Variants in NBPF26 observed in about 807,000 individuals in gnomAD.
The protein encoded by NBPF26 is NBPF member 26.
NBPF26 carries 79 observed loss-of-function variants against 119.6 expected under a neutral mutation model. The ratio of observed to expected loss-of-function variants is 0.66; its 90% confidence interval spans 0.55 to 0.80. The LOEUF (loss-of-function observed/expected upper bound fraction) is 0.80. Ranked by LOEUF, NBPF26 falls within the 30% of genes least tolerant of loss-of-function variation. NBPF26 has a pLI of 0.00. For missense variants in NBPF26, 800 were observed against 1,198.2 expected (o/e 0.67, Z 4.91); for synonymous variants, 299 against 457.7 (o/e 0.65, Z 4.43).
Position 120,823,014 on chromosome 1 carries a change from T to A in NBPF26, c.2588-295T>A, listed in dbSNP as rs1350029279. Among the ~76,000 whole-genome samples, 16 of 124,666 alleles carry A rather than the reference T, an allele frequency of 1.3e-4. 3 individuals carry two copies. Among genetic ancestry groups the A allele is most frequent in the South Asian group, 2.4e-4 (1 of 4,174 alleles). 81.8% of individuals were successfully genotyped at this position (124,666 alleles called of 152,430 possible). A position where few individuals can be genotyped will look rare whatever the true frequency, so the allele number is the denominator to read the frequency against. ...TATCTCTCCTATGAGGTGTTAGAAC[T>A]ATTTGCCTACAATTTATTGGGGAAA... On this transcript the variant is annotated intron_variant, in intron 16 of 29. Coordinates refer to ENST00000620612, the Ensembl canonical transcript of NBPF26.
intron 1 of NBPF26, among the ~76,000 whole-genome samples, chr1:120,729,808 G>A (rs1172875512): frequency 8.7e-6 from 1 of 114,658 alleles, no homozygotes; most frequent in South Asian, 2.6e-4. Context: ...TCAAGAAATA[G>A]CCAGGTGATT....
At chr1:120,781,916 A>G (rs1434965662) in intron 2 of NBPF26, among the ~76,000 whole-genome samples, 1 of 111,142 alleles carries the variant, frequency 9.0e-6, no homozygotes, top group Non-Finnish European at 1.7e-5. Flanking sequence ...AATGGAGATT[A>G]TAATATAGCA....
At position 120,840,601 on chromosome 1, in the gene NBPF26, T is replaced by C. The variant is rs1553273590; in HGVS notation, c.*8T>C. On this transcript the variant is annotated 3_prime_UTR_variant, in exon 30 of 30. Coordinates refer to ENST00000620612, the Ensembl canonical transcript of NBPF26. ...GTCATATTCCCACAATAAGCAGCCCTTACTAAGCCGAGAGGTGTCATTCCT... is the reference window on the plus strand; with the variant it reads ...GTCATATTCCCACAATAAGCAGCCCCTACTAAGCCGAGAGGTGTCATTCCT... 1.9e-5 allele frequency: 28 copies of C among 1,462,164 alleles called. 9 individuals are homozygous for C. Among genetic ancestry groups the C allele is most frequent in the Middle Eastern group, 2.4e-4 (1 of 4,168 alleles). The allele number at this position is 1,462,164 out of a possible 1,614,324, so 90.6% of individuals were successfully genotyped here. A position where few individuals can be genotyped will look rare whatever the true frequency, so the allele number is the denominator to read the frequency against.
rs1651852352 is a variant in NBPF26 at position 120,811,110 on chromosome 1, TG to T, written c.1564+554del. ...AAAAAAAAAAAAAATTAGCTGGGTG[TG>T]GTGGTGGGTGCCTGTAGTCCCAGCT... is the stretch of plus-strand genomic sequence containing the variant. On this transcript the variant is annotated intron_variant, in intron 9 of 29. Coordinates refer to ENST00000620612, the Ensembl canonical transcript of NBPF26. 4.0e-5 allele frequency among the ~76,000 whole-genome samples: 4 copies of T among 100,902 alleles called. No homozygotes were observed. In the South Asian group the frequency reaches 1.1e-3, roughly 28 times the overall value. The allele number at this position is 100,902 out of a possible 152,430, so 66.2% of individuals were successfully genotyped here. A position where few individuals can be genotyped will look rare whatever the true frequency, so the allele number is the denominator to read the frequency against.
intron 2 of NBPF26, among the ~76,000 whole-genome samples, chr1:120,781,748 A>G (rs1196012768): frequency 8.8e-6 from 1 of 113,252 alleles, no homozygotes; most frequent in Non-Finnish European, 1.7e-5. Flanking sequence ...TATTTTTAGT[A>G]GAGACAGGAC....
intron 2 of NBPF26, among the ~76,000 whole-genome samples, chr1:120,781,621 T>C (rs1380789632): frequency 2.1e-5 from 1 of 48,774 alleles, no homozygotes; most frequent in Admixed American, 1.9e-4. Flanking sequence ...TGGAGTGCAG[T>C]GGCGCGATCT....
intron 2 of NBPF26, among the ~76,000 whole-genome samples, chr1:120,769,993 T>G (rs1651243711): frequency 9.1e-6 from 1 of 110,192 alleles, no homozygotes. Context: ...ATGTAGTTGT[T>G]CAAAAAATCA....
chr1:120,742,312 CGT>C (rs1209103933), intron 1 of NBPF26, among the ~76,000 whole-genome samples: 21 of 27,864 alleles, frequency 7.5e-4, no homozygotes, highest in Admixed American at 1.3e-3. Context: ...TGTGTGTGTG[CGT>C]GTGTGTGTGT....
rs1294766085 is a variant in NBPF26 at position 120,819,173 on chromosome 1, G to A, written c.2423+999G>A. On this transcript the variant is annotated intron_variant, in intron 15 of 29. Coordinates refer to ENST00000620612, the Ensembl canonical transcript of NBPF26. ...GAATCTGGGTGCTCCTGTTTAGGGTGCATATATATTTAGGATAGTTAACTC... is the reference window on the plus strand; with the variant it reads ...GAATCTGGGTGCTCCTGTTTAGGGTACATATATATTTAGGATAGTTAACTC... Among the ~76,000 whole-genome samples the A allele has an allele frequency of 1.6e-5, 2 of 124,648 alleles. 1 individual carries two copies. The highest frequency in any genetic ancestry group is 7.6e-5 in the African/African-American group (2 of 26,200). 81.8% of individuals were successfully genotyped at this position (124,648 alleles called of 152,430 possible). A position where few individuals can be genotyped will look rare whatever the true frequency, so the allele number is the denominator to read the frequency against.
chr1:120,778,484 T>G (rs1651324395), intron 2 of NBPF26, among the ~76,000 whole-genome samples: 1 of 104,038 alleles, frequency 9.6e-6, no homozygotes, highest in Non-Finnish European at 1.8e-5. Context: ...TCTGTATAGT[T>G]TTTTTAAAAA....
chr1:120,768,204 C>T (rs1651215599), intron 2 of NBPF26, among the ~76,000 whole-genome samples: 3 of 114,304 alleles, frequency 2.6e-5, no homozygotes, highest in Admixed American at 2.5e-4. Context: ...GGATAGGGCT[C>T]TTATTCCCAA....
chr1:120,727,506 AG>A (rs2101340112), intron 1 of NBPF26, among the ~76,000 whole-genome samples: 1 of 108,152 alleles, frequency 9.2e-6, no homozygotes, highest in Admixed American at 9.0e-5. Context: ...TCATATATTT[AG>A]ATGATATAAT....
rs1348802494 is a variant in NBPF26, at chr1:120,823,732, A to G, written c.2640-242A>G. On this transcript the variant is annotated intron_variant, in intron 17 of 29. Coordinates refer to ENST00000620612, the Ensembl canonical transcript of NBPF26. ...GACTCCCTCATCAGTGTGTCACCTG[A>G]CCAATTCACTGAGCTCGCTCTGTGT... is the stretch of plus-strand genomic sequence containing the variant. 2.2e-4 allele frequency among the ~76,000 whole-genome samples: 21 copies of G among 96,362 alleles called. 1 individual carries two copies. Among genetic ancestry groups the G allele is most frequent in the African/African-American group, 8.7e-4 (13 of 14,996 alleles). 63.2% of individuals were successfully genotyped at this position (96,362 alleles called of 152,430 possible). A position where few individuals can be genotyped will look rare whatever the true frequency, so the allele number is the denominator to read the frequency against.
chr1:120,811,837 G>C lies in NBPF26; in HGVS notation c.1565-49G>C, dbSNP rs1355058536. On this transcript the variant is annotated intron_variant, in intron 9 of 29. Transcript: ENST00000620612. Reference sequence around the variant, plus strand: ...CCCTCAGTCCTGATTAAGCCTATTTGATTTCACCAGTTTTTAACCCATCAT... The same window carrying C: ...CCCTCAGTCCTGATTAAGCCTATTTCATTTCACCAGTTTTTAACCCATCAT... 4.3e-5 allele frequency: 31 copies of C among 725,594 alleles called. 10 individuals are homozygous for C. The highest frequency in any genetic ancestry group is 7.0e-5 in the Non-Finnish European group (30 of 428,716). 44.9% of individuals were successfully genotyped at this position (725,594 alleles called of 1,614,324 possible).
At chr1:120,820,447 A>AATATATATATAT (rs1229895629) in intron 15 of NBPF26, among the ~76,000 whole-genome samples, 14 of 10,828 alleles carry the variant, frequency 1.3e-3, no homozygotes, top group Non-Finnish European at 1.8e-3. Flanking sequence ...AAGTATTAAA[A>AATATATATATAT]ATATATATAT....
intron 4 of NBPF26, among the ~76,000 whole-genome samples, chr1:120,805,121 A>G (rs1318881852): frequency 8.0e-6 from 1 of 125,242 alleles, no homozygotes; most frequent in Admixed American, 7.7e-5. Flanking sequence ...GGTCTGTGGC[A>G]TTGTCAACAA....
rs1193360933 is a variant in NBPF26 at position 120,801,521 on chromosome 1, TAAAA to T, written c.752-4021_752-4018del. 6.6e-5 allele frequency among the ~76,000 whole-genome samples: 4 copies of T among 61,052 alleles called. 1 individual carries two copies. Among genetic ancestry groups the T allele is most frequent in the African/African-American group, 5.3e-4 (4 of 7,510 alleles). The allele number at this position is 61,052 out of a possible 152,430, so 40.1% of individuals were successfully genotyped here. On this transcript the variant is annotated intron_variant, in intron 4 of 29. Coordinates refer to ENST00000620612, the Ensembl canonical transcript of NBPF26. ...ACATCTCCATGCCTTGTATTTTCATTAAAAAAAAAAAAAAAAAGCATTTCAGGGC... is the reference window on the plus strand; with the variant it reads ...ACATCTCCATGCCTTGTATTTTCATTAAAAAAAAAAAAAGCATTTCAGGGC...
chr1:120,818,636 C>T (rs1223551024), intron 15 of NBPF26, among the ~76,000 whole-genome samples: 1 of 125,754 alleles, frequency 8.0e-6, no homozygotes, highest in Non-Finnish European at 1.6e-5. Context: ...ATAATTTTCC[C>T]TCTACACATT....
chr1:120,833,299 G>A (rs1652400032), intron 23 of NBPF26, among the ~76,000 whole-genome samples: 2 of 62,768 alleles, frequency 3.2e-5, no homozygotes, highest in South Asian at 6.4e-4. Flanking sequence ...TGTCATGAGG[G>A]CACTAACTCA....
Sources: allele counts gnomAD v4.1 joint callset (sites outside exome capture counted in the v4.1 genomes callset), GRCh38; gene constraint gnomAD v4.1.1; transcripts MANE v1.5; gene names NCBI Gene and HGNC (gene_info 2026-07-23, HGNC 2026-07-21).